CWH43: variants seen among roughly 807,000 people sequenced by gnomAD.
CWH43 encodes the protein PGAP2-interacting protein.
In CWH43, 91 loss-of-function variants were observed where a neutral mutation model predicts 85.7. That is an observed-to-expected ratio of 1.06 (90% CI 0.90 to 1.26). The LOEUF is 1.26. Ranked by LOEUF, CWH43 falls within the 50% of genes most tolerant of loss-of-function variation. CWH43 has a pLI of 0.00. For missense variants in CWH43, 869 were observed against 839.2 expected, an observed-to-expected ratio of 1.04 and a Z score of -0.44; for synonymous variants, 323 against 293.6, an observed-to-expected ratio of 1.10 and a Z score of -1.02.
intron 15 of CWH43, among the ~76,000 whole-genome samples, chr4:49,054,261 G>T (rs1421371903): frequency 2.0e-5 from 3 of 152,158 alleles, no homozygotes; most frequent in African/African-American, 7.2e-5. Context: ...TATTGAAAAG[G>T]TTGTCCTTTC....
intron 8 of CWH43, among the ~76,000 whole-genome samples, chr4:49,011,995 A>G (rs1445686194): frequency 6.6e-6 from 1 of 151,912 alleles, no homozygotes; most frequent in Non-Finnish European, 1.5e-5. Context: ...TGTTCTCTGT[A>G]TTTCCTGAAT....
chr4:49,003,506 A>C, intron 6 of CWH43: 1 of 482,760 alleles, frequency 2.1e-6, no homozygotes. Context: ...CTGAGGAAAT[A>C]GCAGTGAACT....
chr4:49,043,179 G>C (rs900547936), intron 13 of CWH43, among the ~76,000 whole-genome samples: 3 of 152,142 alleles, frequency 2.0e-5, no homozygotes, highest in Admixed American at 6.5e-5. Context: ...GGAATCATAG[G>C]GTTGTTTGAT....
At chr4:49,016,522 C>A (rs536536426) in intron 8 of CWH43, among the ~76,000 whole-genome samples, 1 of 152,102 alleles carries the variant, frequency 6.6e-6, no homozygotes, top group Non-Finnish European at 1.5e-5. Context: ...TAGTTCCAAC[C>A]ATTATAGTAA....
rs1783069015 is a variant in CWH43, at chr4:49,003,795, G to A, written c.863G>A (p.Cys288Tyr). 1 of 1,613,986 alleles carries A rather than the reference G, an allele frequency of 6.2e-7. No individual in the cohort carries two copies. Among genetic ancestry groups the A allele is most frequent in the East Asian group, 2.2e-5 (1 of 44,872 alleles). Residue 288 changes from cysteine to tyrosine, a missense_variant, in exon 7 of 16, where the codon TGT (cysteine) becomes TAT (tyrosine). Cys to Tyr is a radical substitution (Grantham distance 194). Around this residue, in one of 3 missense-constraint regions of CWH43, gnomAD observed 577 missense variants for 513.1 expected, o/e 1.12. Coordinates refer to ENST00000226432, the MANE Select transcript of CWH43 (RefSeq NM_025087.3). The stretch of plus-strand genomic sequence containing the variant: ...ACATGGGCAGCTGCTGTGTCTGGCT[G>A]TGTCTTCGCCATCTTTACTGCATCC... ...LHTWAAAVSGCVFAIFTASMW... is the reference protein window; with the variant it reads ...LHTWAAAVSGYVFAIFTASMW...
At chr4:48,986,629 T>A (rs569507955) in intron 1 of CWH43, 157 bp downstream of exon 1, 1 of 1,442,414 alleles carries the variant, frequency 6.9e-7, no homozygotes, top group South Asian at 1.5e-5. Context: ...GAACTTTTCC[T>A]ACTGAAGGGA....
intron 7 of CWH43, among the ~76,000 whole-genome samples, chr4:49,005,566 T>G (rs1783131368): frequency 6.6e-6 from 1 of 150,434 alleles, no homozygotes; most frequent in African/African-American, 2.4e-5. Flanking sequence ...TTTTTTTCTT[T>G]TTTTTTTTTT....
chr4:49,032,422 TAA>T (rs1784125701), intron 11 of CWH43, 142 bp from the exon 12 acceptor site: 4 of 837,342 alleles, frequency 4.8e-6, no homozygotes, highest in Non-Finnish European at 7.8e-6. Flanking sequence ...GACTGCCATA[TAA>T]GTCTCTGCCG....
intron 9 of CWH43, among the ~76,000 whole-genome samples, chr4:49,023,706 A>G (rs896794301): frequency 4.6e-5 from 7 of 152,186 alleles, no homozygotes; most frequent in African/African-American, 1.7e-4. Flanking sequence ...TTGTGGTCCG[A>G]GAGATAGTAC....
chr4:49,038,732 A>G (rs1383115399), intron 13 of CWH43, among the ~76,000 whole-genome samples: 2 of 152,190 alleles, frequency 1.3e-5, no homozygotes, highest in African/African-American at 2.4e-5. Context: ...TGTTGTAGCC[A>G]TGTTTAGAAA....
At chr4:49,009,591 G>T (rs538498525) in intron 8 of CWH43, among the ~76,000 whole-genome samples, 2 of 151,948 alleles carry the variant, frequency 1.3e-5, no homozygotes, top group African/African-American at 4.8e-5. Context: ...TTGCCCATTC[G>T]GTATGATATT....
At position 49,003,896 on chromosome 4, in the gene CWH43, T is replaced by C. The variant is rs746518484; in HGVS notation, c.964T>C (p.Phe322Leu). 1.9e-5 allele frequency: 30 copies of C among 1,613,850 alleles called. 1 individual carries two copies. ...GAAAACCATGACCATTGCCATGATATTTTATCTTCTAGAAATATTTTTCTG... is the reference window on the plus strand; with the variant it reads ...GAAAACCATGACCATTGCCATGATACTTTATCTTCTAGAAATATTTTTCTG... ...PGKTMTIAMIFYLLEIFFCAW... is the reference protein window; with the variant it reads ...PGKTMTIAMILYLLEIFFCAW... Residue 322 changes from phenylalanine to leucine, a missense_variant, in exon 7 of 16, where the codon TTT becomes CTT. Transcript: ENST00000226432.
intron 6 of CWH43, among the ~76,000 whole-genome samples, chr4:48,999,904 C>T (rs1782935201): frequency 6.6e-6 from 1 of 152,112 alleles, no homozygotes. Flanking sequence ...TGAAGACAAT[C>T]ATGTTTTGGG....
chr4:49,012,886 C>T (rs754596036), intron 8 of CWH43, among the ~76,000 whole-genome samples: 2 of 152,158 alleles, frequency 1.3e-5, no homozygotes, highest in Admixed American at 6.5e-5. Flanking sequence ...TGGCACCCAC[C>T]TGTATGAGGT....
chr4:49,040,343 C>G (rs1414852975), intron 13 of CWH43, among the ~76,000 whole-genome samples: 1 of 152,206 alleles, frequency 6.6e-6, no homozygotes, highest in South Asian at 2.1e-4. Flanking sequence ...AATGGTTGAA[C>G]TAGTTTACAG....
intron 14 of CWH43, among the ~76,000 whole-genome samples, chr4:49,046,907 A>C (rs1203242557): frequency 6.6e-6 from 1 of 152,176 alleles, no homozygotes. Flanking sequence ...CTGTTAGGAC[A>C]GAATCTGTCT....
chr4:49,039,753 T>C (rs1236204027), intron 13 of CWH43, among the ~76,000 whole-genome samples: 1 of 150,980 alleles, frequency 6.6e-6, no homozygotes, highest in African/African-American at 2.5e-5. Context: ...TAAAATTTTA[T>C]TATTATTATA....
intron 8 of CWH43, among the ~76,000 whole-genome samples, chr4:49,009,590 C>T (rs1350450001): frequency 2.0e-5 from 3 of 152,036 alleles, no homozygotes; most frequent in African/African-American, 7.2e-5. Context: ...TTTGCCCATT[C>T]GGTATGATAT....
chr4:49,060,774 G>A (rs2109855577), intron 15 of CWH43, among the ~76,000 whole-genome samples: 1 of 152,252 alleles, frequency 6.6e-6, no homozygotes, highest in South Asian at 2.1e-4. Context: ...TCAAATGGAT[G>A]TTTCTACAGG....
Sources: gnomAD v4.1 joint callset for allele counts (sites outside exome capture counted in the v4.1 genomes callset) on GRCh38, gnomAD v4.1.1 for gene constraint, gnomAD v4.1.1 regional missense constraint, MANE v1.5 for transcripts, NCBI Gene and HGNC (gene_info 2026-07-23, HGNC 2026-07-21) for gene names.